Variants in KCNIP3 observed in about 807,000 individuals in gnomAD.
The protein encoded by KCNIP3 is potassium voltage-gated channel interacting protein 3.
KCNIP3 carries 28 observed loss-of-function variants against 35.0 expected under a neutral mutation model. The observed-to-expected ratio is 0.80, with a 90% CI of 0.59 to 1.10. The LOEUF (loss-of-function observed/expected upper bound fraction) is 1.10. Among genes scored for constraint, KCNIP3 ranks in the 50% least tolerant of loss-of-function variants. The pLI, the probability that KCNIP3 is intolerant of heterozygous loss-of-function variation, is 0.00. For missense variants in KCNIP3, 295 were observed against 338.4 expected (o/e 0.87, Z 1.01); for synonymous variants, 134 against 133.8 (o/e 1.00, Z -0.01).
At chr2:95,381,526 C>A in intron 5 of KCNIP3, 70 bp from the exon 6 acceptor site, 1 of 1,152,420 alleles carries the variant, frequency 8.7e-7, no homozygotes, top group Non-Finnish European at 1.3e-6. Flanking sequence ...CAGTGGAAGC[C>A]ACACAGCAAC....
chr2:95,383,246 C>T lies in KCNIP3; in HGVS notation c.675C>T (p.Asn225=), dbSNP rs539603440. 4.3e-6 allele frequency: 7 copies of T among 1,613,680 alleles called. No individual in the cohort carries two copies. Among genetic ancestry groups the T allele is most frequent in the Non-Finnish European group, 5.1e-6 (6 of 1,179,826 alleles). Residue 225 remains asparagine (N), a synonymous_variant, in exon 8 of 9, where the codon AAC becomes AAT. Transcript: ENST00000295225. ...TTGGGTTGCAGAAAATGGACCGGAA[C>T]CAGGATGGGGTAGTGACCATTGAAG... The part of the protein sequence containing the change: ...VERFFEKMDR[N]QDGVVTIEEF...
intron 2 of KCNIP3, among the ~76,000 whole-genome samples, chr2:95,324,738 C>G (rs1354544666): frequency 6.6e-6 from 1 of 151,840 alleles, no homozygotes; most frequent in African/African-American, 2.4e-5. Context: ...TGGTGAAACC[C>G]CGTCTCTACT....
chr2:95,354,522 G>A (rs1679607005), intron 2 of KCNIP3, among the ~76,000 whole-genome samples: 1 of 152,172 alleles, frequency 6.6e-6, no homozygotes. Flanking sequence ...AGAGGTGTGA[G>A]GTGTGATGGG....
chr2:95,333,260 G>A (rs1223518077), intron 2 of KCNIP3, among the ~76,000 whole-genome samples: 1 of 152,234 alleles, frequency 6.6e-6, no homozygotes. Flanking sequence ...AGCTCCTTGA[G>A]GCCAGGGCCG....
intron 2 of KCNIP3, among the ~76,000 whole-genome samples, chr2:95,342,768 C>T (rs575074305): frequency 6.6e-6 from 1 of 152,198 alleles, no homozygotes; most frequent in Non-Finnish European, 1.5e-5. Context: ...TCCTGGCTCC[C>T]GTCTGGTGGC....
intron 2 of KCNIP3, among the ~76,000 whole-genome samples, chr2:95,367,926 T>G (rs1349941067): frequency 6.6e-6 from 1 of 152,154 alleles, no homozygotes; most frequent in Admixed American, 6.5e-5. Flanking sequence ...CACGCCTGGC[T>G]AATTTTTGTA....
intron 2 of KCNIP3, chr2:95,347,255 C>G (rs530928421): frequency 1.4e-6 from 1 of 739,490 alleles, no homozygotes; most frequent in Non-Finnish European, 2.2e-6. Context: ...CTCCCGGCTC[C>G]GGAGGGTTGG....
intron 2 of KCNIP3, among the ~76,000 whole-genome samples, chr2:95,344,447 G>A (rs1369467775): frequency 4.6e-5 from 7 of 152,234 alleles, no homozygotes; most frequent in African/African-American, 1.2e-4. Context: ...CTAATGCCAC[G>A]TGGATACTCT....
chr2:95,383,787 G>T (rs1485142052), intron 8 of KCNIP3, among the ~76,000 whole-genome samples: 1 of 152,246 alleles, frequency 6.6e-6, no homozygotes, highest in Non-Finnish European at 1.5e-5. Context: ...AGATGGGCTT[G>T]CAGTCAGGAG....
chr2:95,315,956 G>A (rs1412638079), intron 2 of KCNIP3, among the ~76,000 whole-genome samples: 1 of 152,258 alleles, frequency 6.6e-6, no homozygotes, highest in Non-Finnish European at 1.5e-5. Context: ...GCGAGAGGTT[G>A]ATACTCGATT....
At chr2:95,342,582 G>C (rs1228746414) in intron 2 of KCNIP3, among the ~76,000 whole-genome samples, 1 of 152,206 alleles carries the variant, frequency 6.6e-6, no homozygotes, top group African/African-American at 2.4e-5. Context: ...GATGTGTCAT[G>C]GGGCACGCAG....
chr2:95,356,608 C>T (rs1462754913), intron 2 of KCNIP3, among the ~76,000 whole-genome samples: 5 of 152,134 alleles, frequency 3.3e-5, no homozygotes, highest in East Asian at 1.9e-4. Flanking sequence ...AATAGGGAAT[C>T]GTTTCCCCAT....
chr2:95,337,693 A>T (rs1679092462), intron 2 of KCNIP3, among the ~76,000 whole-genome samples: 1 of 152,218 alleles, frequency 6.6e-6, no homozygotes, highest in African/African-American at 2.4e-5. Context: ...AGTGATGTTG[A>T]GGCTAAGTTA....
In KCNIP3 at chr2:95,382,368, C is replaced by CCCGGCAGCAT. The variant is rs749111199; in HGVS notation, c.556-7_556-6insGGCAGCATCC. 1 of 1,556,084 alleles carries CCCGGCAGCAT rather than the reference C, an allele frequency of 6.4e-7. No individual in the cohort carries two copies. The highest frequency in any genetic ancestry group is 8.7e-7 in the Non-Finnish European group (1 of 1,147,494). Reference sequence around the variant, plus strand: ...CTTGCAGCAGGCTCATGCCAGCCTCCCCCTCCAGGAGATGCTGGCCATCAT... The same window carrying CCCGGCAGCAT: ...CTTGCAGCAGGCTCATGCCAGCCTCCCCGGCAGCATCCCTCCAGGAGATGCTGGCCATCAT... On this transcript the variant is annotated splice_polypyrimidine_tract_variant and intron_variant, in intron 6 of 8. Transcript: ENST00000295225. The surrounding 1 kb of genome is among the most constrained non-coding windows in gnomAD (Gnocchi z 4.5).
At chr2:95,307,250 A>G (rs552870370) in intron 1 of KCNIP3, among the ~76,000 whole-genome samples, 1 of 152,306 alleles carries the variant, frequency 6.6e-6, no homozygotes, top group African/African-American at 2.4e-5. Flanking sequence ...CCCCTAGCCC[A>G]GGAGGGCATC....
At chr2:95,314,263 T>A (rs1023658604) in intron 2 of KCNIP3, among the ~76,000 whole-genome samples, 1 of 152,214 alleles carries the variant, frequency 6.6e-6, no homozygotes, top group Non-Finnish European at 1.5e-5. Flanking sequence ...CAGGATACAA[T>A]TGACATCATG....
intron 2 of KCNIP3, chr2:95,368,529 TA>T (rs987304188): frequency 1.2e-3 from 401 of 326,858 alleles, no homozygotes; most frequent in South Asian, 2.5e-3. Flanking sequence ...CCTATGGAAA[TA>T]AAAAAAAATT....
chr2:95,324,664 G>A (rs1450059321), intron 2 of KCNIP3, among the ~76,000 whole-genome samples: 1 of 152,064 alleles, frequency 6.6e-6, no homozygotes, highest in African/African-American at 2.4e-5. Flanking sequence ...TGTAATCCCA[G>A]CACTTTGGGA....
At chr2:95,326,498 T>C (rs962809031) in intron 2 of KCNIP3, among the ~76,000 whole-genome samples, 5 of 152,240 alleles carry the variant, frequency 3.3e-5, no homozygotes, top group African/African-American at 1.2e-4. Context: ...CAACATGGCC[T>C]ACAGGACCTG....
Sources: gnomAD v4.1 joint callset for allele counts (sites outside exome capture counted in the v4.1 genomes callset) on GRCh38, gnomAD v4.1.1 for gene constraint, Gnocchi (gnomAD v3.1) non-coding constraint, MANE v1.5 for transcripts, NCBI Gene and HGNC (gene_info 2026-07-23, HGNC 2026-07-21) for gene names.